The following DSCAML1 variants were observed in gnomAD, a reference collection of about 807,000 sequenced individuals.
DSCAML1 encodes cell adhesion molecule DSCAML1.
DSCAML1 carries 38 observed loss-of-function variants against 200.5 expected under a neutral mutation model. The ratio of observed to expected loss-of-function variants is 0.19; its 90% CI spans 0.15 to 0.25. The LOEUF is 0.25. DSCAML1 is among the 10% of genes least tolerant of loss of function. The pLI is 1.00. For synonymous variants in DSCAML1, 1,215 were observed against 1,165.0 expected, an observed-to-expected ratio of 1.04 and a Z score of -0.87; for missense variants, 2,223 against 2,858.8, an observed-to-expected ratio of 0.78 and a Z score of 5.07.
At position 117,514,833 on chromosome 11, in the gene DSCAML1, C is replaced by A. The variant is rs372906439; in HGVS notation, c.1783+1634G>T. ...CTGACCTCAGGTGATCCGCCTACCT[C>A]GGCTTCCCAAAGTGCTGGGATTACA... On this transcript the variant is annotated intron_variant, in intron 8 of 32. Coordinates refer to ENST00000651296, the MANE Select transcript of DSCAML1 (RefSeq NM_020693.4). Among the ~76,000 whole-genome samples the A allele has an allele frequency of 1.6e-4, 25 of 152,308 alleles. No individual in the cohort carries two copies. The South Asian group carries it at 5.2e-3, about 32-fold the overall frequency.
At chr11:117,434,248 C>A (rs2047861475) in intron 27 of DSCAML1, among the ~76,000 whole-genome samples, 1 of 151,768 alleles carries the variant, frequency 6.6e-6, no homozygotes, top group Admixed American at 6.6e-5. Flanking sequence ...TCCAATTATC[C>A]ATTCATCCAT....
chr11:117,780,744 GA>G lies in DSCAML1; in HGVS notation c.112del (p.Ser38ProfsTer181), dbSNP rs1171430527. 10 of 1,549,384 alleles carry G rather than the reference GA, an allele frequency of 6.5e-6. No individual in the cohort carries two copies. The highest frequency in any genetic ancestry group is 8.7e-6 in the Non-Finnish European group (10 of 1,149,052). On this transcript the variant is annotated frameshift_variant, in exon 2 of 33. Transcript: ENST00000651296. LOFTEE classifies it high-confidence loss of function. This position sits in a 1 kb window ranked among gnomAD's most constrained non-coding sequence, Gnocchi z 4.8. ...VNDSLQQVTF[S>X]SSVGVVVPCP... ...GGGCACCACCACCCCCACGGAGCTG[GA>G]AAAGGTCACCTGCTGCAAGGAGTCA...
chr11:117,435,528 A>G (rs1267097691), intron 27 of DSCAML1, 116 bp downstream of exon 27: 2 of 1,264,674 alleles, frequency 1.6e-6, no homozygotes, highest in Non-Finnish European at 2.1e-6. Flanking sequence ...CTCCTCCTTC[A>G]AGGGGACACA....
At chr11:117,499,109 C>A (rs908320952) in intron 11 of DSCAML1, among the ~76,000 whole-genome samples, 1 of 152,154 alleles carries the variant, frequency 6.6e-6, no homozygotes, top group Non-Finnish European at 1.5e-5. Flanking sequence ...ACCTGCCTCT[C>A]GTTGAAGAAT....
chr11:117,648,176 A>AG (rs1325785456), intron 3 of DSCAML1, among the ~76,000 whole-genome samples: 3 of 152,078 alleles, frequency 2.0e-5, no homozygotes, highest in Non-Finnish European at 4.4e-5. Flanking sequence ...CCCATCTCAG[A>AG]GGGGGGCCTC....
At chr11:117,778,351 A>T (rs932827005) in intron 2 of DSCAML1, among the ~76,000 whole-genome samples, 53 of 152,126 alleles carry the variant, frequency 3.5e-4, no homozygotes, top group Admixed American at 3.4e-3. Flanking sequence ...AAGGTGGTGG[A>T]GTGGAAAGAG....
intron 3 of DSCAML1, among the ~76,000 whole-genome samples, chr11:117,655,732 G>A (rs77084175): frequency 0.013 from 2,007 of 152,288 alleles, 18 homozygotes; most frequent in South Asian, 0.036. Context: ...GGTGCCATGA[G>A]GATTTTGTTT....
intron 20 of DSCAML1, among the ~76,000 whole-genome samples, chr11:117,447,191 G>A (rs2048197098): frequency 6.6e-6 from 1 of 152,200 alleles, no homozygotes; most frequent in Non-Finnish European, 1.5e-5. Context: ...GGGAGGCTGA[G>A]GCAGGAGAAT....
At chr11:117,596,823 G>T (rs2051369196) in intron 3 of DSCAML1, among the ~76,000 whole-genome samples, 1 of 152,192 alleles carries the variant, frequency 6.6e-6, no homozygotes. Context: ...TCATTGTTTT[G>T]AATGCAGAGG....
intron 3 of DSCAML1, among the ~76,000 whole-genome samples, chr11:117,733,935 A>T (rs1591452154): frequency 6.7e-6 from 1 of 149,658 alleles, no homozygotes; most frequent in African/African-American, 2.5e-5. Context: ...TCAGGGACCA[A>T]TTGCATGCAT....
At chr11:117,565,605 G>A (rs1185330099) in intron 3 of DSCAML1, among the ~76,000 whole-genome samples, 1 of 152,238 alleles carries the variant, frequency 6.6e-6, no homozygotes, top group African/African-American at 2.4e-5. Context: ...GATCCTGGAT[G>A]AGTGTCTGCC....
chr11:117,637,344 ATT>A (rs36023662), intron 3 of DSCAML1, among the ~76,000 whole-genome samples: 60 of 138,982 alleles, frequency 4.3e-4, no homozygotes, highest in East Asian at 8.3e-4. Flanking sequence ...GTGCTCAATA[ATT>A]TTTTTTTTTT....
chr11:117,710,256 A>C (rs2053824316), intron 3 of DSCAML1, among the ~76,000 whole-genome samples: 1 of 152,218 alleles, frequency 6.6e-6, no homozygotes, highest in Non-Finnish European at 1.5e-5. Flanking sequence ...AAAGCTGTAA[A>C]TTGGGGAAGT....
chr11:117,505,111 C>G lies in DSCAML1; in HGVS notation c.2063-68G>C. 6.4e-7 allele frequency: 1 copy of G among 1,565,294 alleles called. No individual in the cohort carries two copies. The highest frequency in any genetic ancestry group is 8.7e-7 in the Non-Finnish European group (1 of 1,151,106). On this transcript the variant is annotated intron_variant, in intron 9 of 32. Transcript: ENST00000651296. The surrounding 1 kb of genome is among the most constrained non-coding windows in gnomAD (Gnocchi z 6.7). ...CTGATGGGTCTCCTAGGGCTTCGAG[C>G]ACCTTCTGTTTGAGGTCAGCCCTGC...
intron 19 of DSCAML1, among the ~76,000 whole-genome samples, chr11:117,457,644 T>C (rs1366139946): frequency 6.6e-6 from 1 of 152,132 alleles, no homozygotes; most frequent in African/African-American, 2.4e-5. Flanking sequence ...AGAGGGGGCC[T>C]GCTGGAGGTG....
chr11:117,580,762 C>G (rs1436249970), intron 3 of DSCAML1, among the ~76,000 whole-genome samples: 2 of 152,138 alleles, frequency 1.3e-5, no homozygotes, highest in Non-Finnish European at 2.9e-5. Context: ...TTCCTTCTAG[C>G]ACTGCTGTGT....
rs1011334537 is a variant in DSCAML1 at position 117,642,585 on chromosome 11, G to T, written c.512-110063C>A. Among the ~76,000 whole-genome samples the T allele has an allele frequency of 1.3e-5, 2 of 152,188 alleles. No homozygotes were observed. Among genetic ancestry groups the T allele is most frequent in the African/African-American group, 4.8e-5 (2 of 41,446 alleles). On this transcript the variant is annotated intron_variant, in intron 3 of 32. Coordinates refer to ENST00000651296, the MANE Select transcript of DSCAML1 (RefSeq NM_020693.4). The surrounding 1 kb of genome is among the most constrained non-coding windows in gnomAD (Gnocchi z 4.1). ...AAGGAGCAATGGTGAGACACAGTGG[G>T]GCTGTATCCCTGTGGATGGACAGCA... is the stretch of plus-strand genomic sequence containing the variant.
chr11:117,502,724 A>G (rs1205290421), intron 11 of DSCAML1, among the ~76,000 whole-genome samples: 2 of 152,194 alleles, frequency 1.3e-5, no homozygotes, highest in African/African-American at 2.4e-5. Flanking sequence ...GCCACTACAC[A>G]TAACAAAGCT....
At chr11:117,663,720 A>T (rs1186579627) in intron 3 of DSCAML1, among the ~76,000 whole-genome samples, 1 of 152,088 alleles carries the variant, frequency 6.6e-6, no homozygotes, top group Non-Finnish European at 1.5e-5. Context: ...CTTGGAGCAG[A>T]GCTGTTTCCC....
Sources: allele counts gnomAD v4.1 joint callset (sites outside exome capture counted in the v4.1 genomes callset), GRCh38; gene constraint gnomAD v4.1.1; non-coding constraint Gnocchi (gnomAD v3.1); transcripts MANE v1.5; gene names NCBI Gene and HGNC (gene_info 2026-07-23, HGNC 2026-07-21).